The following NUFIP1 variants were observed in gnomAD, a reference collection of about 807,000 sequenced individuals.
NUFIP1 encodes the protein nuclear FMR1 interacting protein 1.
Under a neutral mutation model 56.2 loss-of-function variants are expected in NUFIP1, and 38 were observed. The ratio of observed to expected loss-of-function variants is 0.68; its 90% CI spans 0.52 to 0.89. The LOEUF (loss-of-function observed/expected upper bound fraction) is 0.89, where lower values mean the gene tolerates loss of function less well. NUFIP1 is among the 40% of genes least tolerant of loss of function. NUFIP1 has a pLI of 0.00. For missense variants in NUFIP1, 567 were observed against 605.8 expected (o/e 0.94, Z 0.67); for synonymous variants, 215 against 212.4 (o/e 1.01, Z -0.10).
In NUFIP1 at chr13:44,980,803, A is replaced by C. The variant is rs921131429; in HGVS notation, c.513T>G (p.Val171=). The C allele has an allele frequency of 7.5e-6, 12 of 1,599,520 alleles. No homozygotes were observed. Among genetic ancestry groups the C allele is most frequent in the Admixed American group, 1.8e-5 (1 of 55,432 alleles). The change falls in exon 3 of 10, where the codon GTT becomes GTG. Residue 171 remains valine, a synonymous_variant. Coordinates refer to ENST00000379161, the MANE Select transcript of NUFIP1 (RefSeq NM_012345.3). Reference sequence around the variant, plus strand: ...CACAGGTATCACAAAAAAAGTGAAAAACTGGTTCCTTTCTTTTCTGCAAAC... The same window carrying C: ...CACAGGTATCACAAAAAAAGTGAAACACTGGTTCCTTTCTTTTCTGCAAAC... ...KQKKKKRKEP[V]FHFFCDTCDR... is the part of the protein sequence containing the mutation.
Position 44,941,128 on chromosome 13 carries a change from A to T in NUFIP1, c.*78T>A, listed in dbSNP as rs1344026195. On this transcript the variant is annotated 3_prime_UTR_variant, in exon 10 of 10. Coordinates refer to ENST00000379161, the MANE Select transcript of NUFIP1 (RefSeq NM_012345.3). ...TACAAATCCAATTTTGACGGAAAAA[A>T]GGGTTTTGGTTTTCCTCTACTAACG... The T allele has an allele frequency of 1.4e-6, 1 of 705,412 alleles. No homozygotes were observed. Among genetic ancestry groups the T allele is most frequent in the Non-Finnish European group, 2.4e-6 (1 of 411,912 alleles). The allele number at this position is 705,412 out of a possible 1,614,324, so 43.7% of individuals were successfully genotyped here.
At chr13:44,949,686 A>C in intron 8 of NUFIP1, 36 bp downstream of exon 8, 4 of 1,394,066 alleles carry the variant, frequency 2.9e-6, no homozygotes, top group Non-Finnish European at 3.9e-6. Context: ...AAAAGCAACA[A>C]AACAAAACCC....
chr13:44,951,876 G>A (rs960261235), intron 7 of NUFIP1, among the ~76,000 whole-genome samples: 6 of 152,212 alleles, frequency 3.9e-5, no homozygotes, highest in Non-Finnish European at 5.9e-5. Context: ...AGGGGATTGT[G>A]ATATTTTTGC....
At chr13:44,959,359 G>A (rs1057396225) in intron 7 of NUFIP1, 22 bp downstream of exon 7, 4 of 1,604,400 alleles carry the variant, frequency 2.5e-6, no homozygotes, top group East Asian at 2.2e-5. Context: ...TTATAAATAC[G>A]TTATTTTCCT....
intron 3 of NUFIP1, 75 bp from the exon 4 acceptor site, chr13:44,980,027 A>G (rs1872132355): frequency 9.6e-7 from 1 of 1,038,552 alleles, no homozygotes; most frequent in African/African-American, 1.6e-5. Flanking sequence ...CTATACATAC[A>G]CAGACATATT....
chr13:44,959,558 A>G lies in NUFIP1; in HGVS notation c.844T>C (p.Ser282Pro). The stretch of plus-strand genomic sequence containing the variant: ...ATCTTTGCCATTTGTGAATGTCTGG[A>G]CATCCCCTTCATCTTGCTGGAGTAA... ...TTQYGKMKGM[S>P]RHSQMAKIRS... The change falls in exon 7 of 10, where the codon TCC (serine) becomes CCC (proline). Residue 282 changes from serine to proline, a missense_variant. By Grantham distance (74) the Ser-to-Pro change is moderately conservative. Transcript: ENST00000379161. The G allele has an allele frequency of 6.8e-6, 11 of 1,611,040 alleles. No individual in the cohort carries two copies. The highest frequency in any genetic ancestry group is 9.3e-6 in the Non-Finnish European group (11 of 1,179,028).
intron 7 of NUFIP1, among the ~76,000 whole-genome samples, chr13:44,953,827 A>G (rs1346621400): frequency 1.3e-5 from 2 of 152,182 alleles, no homozygotes; most frequent in East Asian, 3.8e-4. Context: ...GGAGTGTCAA[A>G]GCTCACTATA....
intron 5 of NUFIP1, among the ~76,000 whole-genome samples, chr13:44,975,604 T>G (rs1871944633): frequency 6.6e-6 from 1 of 152,224 alleles, no homozygotes; most frequent in African/African-American, 2.4e-5. Flanking sequence ...TACTCACAGT[T>G]CCTTGAACAT....
chr13:44,967,841 TAGAA>T (rs1324524983), intron 5 of NUFIP1, among the ~76,000 whole-genome samples: 1 of 152,064 alleles, frequency 6.6e-6, no homozygotes, highest in Non-Finnish European at 1.5e-5. Context: ...ATAAAAAACA[TAGAA>T]GGAAGGGAAC....
chr13:44,980,643 A>G, intron 3 of NUFIP1, 79 bp downstream of exon 3: 1 of 971,334 alleles, frequency 1.0e-6, no homozygotes, highest in Non-Finnish European at 1.6e-6. Flanking sequence ...AAGGAAAACA[A>G]GCTTGGCATT....
At chr13:44,984,078 A>G (rs1160685017) in intron 1 of NUFIP1, among the ~76,000 whole-genome samples, 2 of 152,084 alleles carry the variant, frequency 1.3e-5, no homozygotes, top group East Asian at 3.9e-4. Context: ...TACCTTTCAC[A>G]TACTCTGCTT....
At chr13:44,945,487 A>G (rs1393461080) in intron 8 of NUFIP1, among the ~76,000 whole-genome samples, 1 of 152,064 alleles carries the variant, frequency 6.6e-6, no homozygotes, top group Non-Finnish European at 1.5e-5. Flanking sequence ...AGGAGGAAAT[A>G]GATCCCTACT....
chr13:44,948,141 CTTTTT>C (rs61398364), intron 8 of NUFIP1, among the ~76,000 whole-genome samples: 2 of 120,854 alleles, frequency 1.7e-5, no homozygotes, highest in African/African-American at 3.6e-5. Context: ...ACTACATTTC[CTTTTT>C]TTTTTTTTTT....
At position 44,959,435 on chromosome 13, in the gene NUFIP1, C is replaced by A. The variant is rs1249281879; in HGVS notation, c.967G>T (p.Gly323Cys). ...GGATCTGCATTTGCCTCCGGTGGAC[C>A]TTCTAGCTTCAAATCACACAAGTGA... ...GSHLCDLKLEGPPEANADPLG... is the reference protein window; with the variant it reads ...GSHLCDLKLECPPEANADPLG... The change falls in exon 7 of 10, where the codon GGT becomes TGT. Residue 323 changes from glycine (G) to cysteine (C), a missense_variant. Physicochemically the swap from Gly to Cys is radical, Grantham distance 159. Coordinates refer to ENST00000379161, the MANE Select transcript of NUFIP1 (RefSeq NM_012345.3). 3 of 1,613,892 alleles carry A rather than the reference C, an allele frequency of 1.9e-6. No individual in the cohort carries two copies. Among genetic ancestry groups the A allele is most frequent in the Non-Finnish European group, 2.5e-6 (3 of 1,180,022 alleles).
Position 44,989,309 on chromosome 13 carries a change from A to G in NUFIP1, c.128T>C (p.Leu43Pro). The G allele has an allele frequency of 6.2e-7, 1 of 1,613,278 alleles. No homozygotes were observed. The highest frequency in any genetic ancestry group is 8.5e-7 in the Non-Finnish European group (1 of 1,179,808). ...PRDSWMFWAM[L>P]PPPPPPLTSS... ...CGTAAGTGGTGGTGGCGGTGGCGGCAGCATTGCCCAGAACATCCAGCTGTC... is the reference window on the plus strand; with the variant it reads ...CGTAAGTGGTGGTGGCGGTGGCGGCGGCATTGCCCAGAACATCCAGCTGTC... Residue 43 changes from leucine to proline, a missense_variant, in exon 1 of 10, where the codon CTG becomes CCG. Transcript: ENST00000379161.
Position 44,989,200 on chromosome 13 carries a change from G to T in NUFIP1, c.237C>A (p.Pro79=). ...CGGGAAGAATCTGGGCGTCGAAGGG[G>T]GGCGGAGCCCCGGGGAGAGACTGGG... The part of the protein sequence containing the change: ...MEAQSLPGAP[P]PFDAQILPGA... Residue 79 remains proline (P), a synonymous_variant, in exon 1 of 10, where the codon CCC becomes CCA. Coordinates refer to ENST00000379161, the MANE Select transcript of NUFIP1 (RefSeq NM_012345.3). 1.9e-6 allele frequency: 3 copies of T among 1,611,686 alleles called. No homozygotes were observed. Among genetic ancestry groups the T allele is most frequent in the Non-Finnish European group, 2.5e-6 (3 of 1,178,946 alleles).
rs185062251 is a variant in NUFIP1, at chr13:44,966,338, G to A, written c.735-402C>T. On this transcript the variant is annotated intron_variant, in intron 5 of 9. Transcript: ENST00000379161. ...TTATTTATTTATTTATTTTTGAGTCGGAGTCTCGTTCTGTCACCCAGGCTG... is the reference window on the plus strand; with the variant it reads ...TTATTTATTTATTTATTTTTGAGTCAGAGTCTCGTTCTGTCACCCAGGCTG... Among the ~76,000 whole-genome samples, 326 of 151,520 alleles carry A rather than the reference G, an allele frequency of 2.2e-3. 1 individual carries two copies. The highest frequency in any genetic ancestry group is 1.1e-3 in the Non-Finnish European group (77 of 67,890).
Position 44,965,847 on chromosome 13 carries a change from T to C in NUFIP1, c.824A>G (p.Tyr275Cys). Residue 275 changes from tyrosine (Y) to cysteine (C), a missense_variant, in exon 6 of 10, where the codon TAT (tyrosine) becomes TGT (cysteine). Coordinates refer to ENST00000379161, the MANE Select transcript of NUFIP1 (RefSeq NM_012345.3). The part of the protein sequence containing the change: ...KRGAVLTTTQ[Y>C]GKMKGMSRHS... ...TTCATAAGCATAAGGAGCTTACCCA[T>C]ATTGTGTTGTTGTCAATACTGCTCC... The C allele has an allele frequency of 6.3e-7, 1 of 1,575,966 alleles. No homozygotes were observed. The highest frequency in any genetic ancestry group is 8.6e-7 in the Non-Finnish European group (1 of 1,159,354).
intron 7 of NUFIP1, among the ~76,000 whole-genome samples, chr13:44,952,693 C>A (rs1871120962): frequency 6.6e-6 from 1 of 152,196 alleles, no homozygotes; most frequent in South Asian, 2.1e-4. Flanking sequence ...AACCAAAGTA[C>A]TTTATGATAG....
Sources: allele counts gnomAD v4.1 joint callset (sites outside exome capture counted in the v4.1 genomes callset), GRCh38; gene constraint gnomAD v4.1.1; transcripts MANE v1.5; gene names NCBI Gene and HGNC (gene_info 2026-07-23, HGNC 2026-07-21).